B4GALT6: variants seen among roughly 807,000 people sequenced by gnomAD.
B4GALT6 encodes UDP-Gal:beta-GlcNAc beta-1,4-galactosyltransferase 6.
In B4GALT6, 14 loss-of-function variants were observed where a neutral mutation model predicts 46.3. The observed-to-expected ratio is 0.30, with a 90% CI of 0.20 to 0.47. B4GALT6 has a LOEUF of 0.47. Among genes scored for constraint, B4GALT6 ranks in the 20% least tolerant of loss-of-function variants. The probability of loss-of-function intolerance (pLI) is 0.99; values close to 1 mark genes in which losing one functional copy is unlikely to be tolerated. For synonymous variants in B4GALT6, 168 were observed against 162.0 expected (o/e 1.04, Z -0.28); for missense variants, 386 against 480.1 (o/e 0.80, Z 1.83).
chr18:31,635,588 A>AACAAT (rs748081156), intron 5 of B4GALT6, among the ~76,000 whole-genome samples: 41 of 152,220 alleles, frequency 2.7e-4, no homozygotes, highest in Non-Finnish European at 5.0e-4. Context: ...AACAAAACAA[A>AACAAT]ACAAAAAGGC....
chr18:31,648,311 C>T (rs948527), intron 3 of B4GALT6, among the ~76,000 whole-genome samples: 85 of 152,284 alleles, frequency 5.6e-4, no homozygotes, highest in African/African-American at 2.0e-3. Flanking sequence ...TCCATTTACC[C>T]AGCAGTGTAA....
At chr18:31,656,369 AT>A (rs956606720) in intron 3 of B4GALT6, among the ~76,000 whole-genome samples, 4 of 152,174 alleles carry the variant, frequency 2.6e-5, no homozygotes, top group African/African-American at 9.6e-5. Flanking sequence ...ATACAAACCT[AT>A]ATGTACAAAG....
the B4GALT6 span, among the ~76,000 whole-genome samples, chr18:31,708,788 A>C: frequency 2.0e-5 from 3 of 152,132 alleles, no homozygotes; most frequent in African/African-American, 7.2e-5. Context: ...ATCTGGGGAG[A>C]AAATTAGAAA....
At chr18:31,643,303 AT>A (rs2073953532) in intron 4 of B4GALT6, among the ~76,000 whole-genome samples, 1 of 152,136 alleles carries the variant, frequency 6.6e-6, no homozygotes, top group Admixed American at 6.5e-5. Context: ...TAGTTCCTAA[AT>A]AAAATAATTT....
At chr18:31,694,090 T>C in the B4GALT6 span, among the ~76,000 whole-genome samples, 2 of 152,232 alleles carry the variant, frequency 1.3e-5, no homozygotes, top group African/African-American at 4.8e-5. Flanking sequence ...TAATCACTTA[T>C]CTTAAAATAG....
intron 4 of B4GALT6, 109 bp downstream of exon 4, chr18:31,645,246 T>C (rs922727567): frequency 3.4e-6 from 5 of 1,461,420 alleles, no homozygotes; most frequent in African/African-American, 1.4e-5. Context: ...TTTGATGTTT[T>C]AAATTTATCA....
chr18:31,700,435 T>G, the B4GALT6 span, among the ~76,000 whole-genome samples: 2,316 of 139,518 alleles, frequency 0.017, 55 homozygotes, highest in African/African-American at 0.049. Context: ...AATTGACTAT[T>G]TGTGTGTGTG....
intron 1 of B4GALT6, among the ~76,000 whole-genome samples, chr18:31,676,154 AG>A (rs1289788956): frequency 6.6e-6 from 1 of 152,292 alleles, no homozygotes; most frequent in Non-Finnish European, 1.5e-5. Context: ...CACTATAATT[AG>A]AAGTCATAAT....
intron 6 of B4GALT6, among the ~76,000 whole-genome samples, chr18:31,628,167 A>G (rs1172760573): frequency 6.6e-6 from 1 of 152,202 alleles, no homozygotes; most frequent in Non-Finnish European, 1.5e-5. Flanking sequence ...TCCTAGGTCA[A>G]AGGTACTCCA....
At chr18:31,699,274 C>T in the B4GALT6 span, among the ~76,000 whole-genome samples, 4 of 136,286 alleles carry the variant, frequency 2.9e-5, no homozygotes, top group Admixed American at 7.4e-5. Flanking sequence ...TTCTTTCTTT[C>T]TTTTTTTTTT....
chr18:31,709,697 A>T, the B4GALT6 span, among the ~76,000 whole-genome samples: 1 of 151,648 alleles, frequency 6.6e-6, no homozygotes, highest in Admixed American at 6.6e-5. Context: ...TAAGTGGGAA[A>T]ATGATGCTCT....
upstream of B4GALT6, chr18:31,684,786 A>G (rs2074525925): frequency 9.5e-7 from 1 of 1,054,628 alleles, no homozygotes; most frequent in East Asian, 7.5e-5. Flanking sequence ...TGCAGGTGGG[A>G]GGAGGCGCAG....
the B4GALT6 span, among the ~76,000 whole-genome samples, chr18:31,721,121 G>A: frequency 6.6e-6 from 1 of 151,560 alleles, no homozygotes; most frequent in Non-Finnish European, 1.5e-5. Context: ...TCTTGTTACA[G>A]GCGTATGTGC....
rs1414839138 is a variant in B4GALT6 at position 31,653,010 on chromosome 18, T to C, written c.346+4966A>G. Among the ~76,000 whole-genome samples the C allele has an allele frequency of 2.0e-5, 3 of 151,866 alleles. No homozygotes were observed. The East Asian group carries it at 5.8e-4, about 29-fold the overall frequency. On this transcript the variant is annotated intron_variant, in intron 3 of 8. Coordinates refer to ENST00000306851, the MANE Select transcript of B4GALT6 (RefSeq NM_004775.5). ...TTCCCTAAAGCAGTGGTGTTTTTTGTTTATTTTTGCTTTTTTTTTTTTTGC... is the reference window on the plus strand; with the variant it reads ...TTCCCTAAAGCAGTGGTGTTTTTTGCTTATTTTTGCTTTTTTTTTTTTTGC...
chr18:31,667,960 G>C (rs2074301661), intron 1 of B4GALT6, among the ~76,000 whole-genome samples: 1 of 151,990 alleles, frequency 6.6e-6, no homozygotes. Context: ...AGCTGGACAT[G>C]GTGGTGCAAG....
chr18:31,713,446 A>G, the B4GALT6 span, among the ~76,000 whole-genome samples: 2 of 152,228 alleles, frequency 1.3e-5, no homozygotes, highest in Non-Finnish European at 2.9e-5. Flanking sequence ...GCTTCATAAT[A>G]GCAATACAAG....
At chr18:31,697,901 GT>G in the B4GALT6 span, among the ~76,000 whole-genome samples, 11 of 151,862 alleles carry the variant, frequency 7.2e-5, no homozygotes, top group African/African-American at 2.4e-4. Flanking sequence ...CACTATTACA[GT>G]TTTTTTTCTG....
intron 5 of B4GALT6, among the ~76,000 whole-genome samples, chr18:31,633,860 G>A (rs1261512924): frequency 6.6e-6 from 1 of 152,154 alleles, no homozygotes; most frequent in Non-Finnish European, 1.5e-5. Context: ...TGAGTGCCAT[G>A]GAGACACTGC....
chr18:31,629,666 A>G (rs908818800), intron 6 of B4GALT6, among the ~76,000 whole-genome samples: 5 of 150,332 alleles, frequency 3.3e-5, no homozygotes, highest in African/African-American at 4.9e-5. Flanking sequence ...TGGCTAACAC[A>G]GTGAAACCCC....
Sources: gnomAD v4.1 joint callset for allele counts (sites outside exome capture counted in the v4.1 genomes callset) on GRCh38, gnomAD v4.1.1 for gene constraint, MANE v1.5 for transcripts, NCBI Gene and HGNC (gene_info 2026-07-23, HGNC 2026-07-21) for gene names.